Variants in RPS6KC1 observed in about 807,000 individuals in gnomAD.
The protein encoded by RPS6KC1 is ribosomal protein S6 kinase C1.
In RPS6KC1, 54 loss-of-function variants were observed where a neutral mutation model predicts 103.8. That is an observed-to-expected ratio of 0.52 (90% CI 0.42 to 0.65). The LOEUF (loss-of-function observed/expected upper bound fraction) is 0.65. RPS6KC1 is among the 30% of genes least tolerant of loss of function. The pLI is 0.00. For synonymous variants in RPS6KC1, 439 were observed against 438.7 expected (o/e 1.00, Z -0.01); for missense variants, 1,151 against 1,253.8 (o/e 0.92, Z 1.24).
chr1:213,859,004 C>A, the RPS6KC1 span, among the ~76,000 whole-genome samples: 1 of 152,176 alleles, frequency 6.6e-6, no homozygotes, highest in African/African-American at 2.4e-5. Context: ...CCATCTGCAT[C>A]GTTTCTCATG....
At chr1:213,652,369 G>A in the RPS6KC1 span, among the ~76,000 whole-genome samples, 1 of 152,180 alleles carries the variant, frequency 6.6e-6, no homozygotes, top group African/African-American at 2.4e-5. Context: ...GAACTTGCCT[G>A]TTGTTTCTTA....
At chr1:213,638,516 TA>T in the RPS6KC1 span, among the ~76,000 whole-genome samples, 1 of 152,138 alleles carries the variant, frequency 6.6e-6, no homozygotes, top group African/African-American at 2.4e-5. Flanking sequence ...CACTTTTAGT[TA>T]CATTTTATAT....
the RPS6KC1 span, among the ~76,000 whole-genome samples, chr1:213,609,119 G>T: frequency 6.6e-6 from 1 of 152,180 alleles, no homozygotes; most frequent in Non-Finnish European, 1.5e-5. Flanking sequence ...ATCCAAAGCA[G>T]GTCCATTCCT....
chr1:213,166,198 A>G (rs956546067), intron 6 of RPS6KC1, among the ~76,000 whole-genome samples: 1 of 152,046 alleles, frequency 6.6e-6, no homozygotes, highest in African/African-American at 2.4e-5. Context: ...GTAAATTGCC[A>G]TAGTTTTTAT....
the RPS6KC1 span, among the ~76,000 whole-genome samples, chr1:213,462,768 G>A: frequency 1.3e-5 from 2 of 152,288 alleles, no homozygotes; most frequent in South Asian, 2.1e-4. Flanking sequence ...TTGACTAGGG[G>A]AGGGTATAGC....
At chr1:213,502,061 AAGGCAAAC>A in the RPS6KC1 span, among the ~76,000 whole-genome samples, 2 of 152,200 alleles carry the variant, frequency 1.3e-5, no homozygotes. Context: ...AGGCAGAAAG[AAGGCAAAC>A]AGGCAAAATA....
At chr1:213,086,332 G>A (rs1244746555) in intron 3 of RPS6KC1, among the ~76,000 whole-genome samples, 1 of 152,186 alleles carries the variant, frequency 6.6e-6, no homozygotes, top group Non-Finnish European at 1.5e-5. Flanking sequence ...TGGATCTGCT[G>A]GCACCACAAC....
At chr1:213,296,852 G>A in the RPS6KC1 span, among the ~76,000 whole-genome samples, 1 of 152,172 alleles carries the variant, frequency 6.6e-6, no homozygotes, top group Non-Finnish European at 1.5e-5. Flanking sequence ...AACATTTTTA[G>A]TTCTTTTAGA....
chr1:213,607,106 T>A, the RPS6KC1 span, among the ~76,000 whole-genome samples: 3 of 152,174 alleles, frequency 2.0e-5, no homozygotes, highest in African/African-American at 7.2e-5. Flanking sequence ...CAGCAATGTT[T>A]TCAGGAAGAA....
chr1:213,448,105 G>T, the RPS6KC1 span, among the ~76,000 whole-genome samples: 1 of 151,532 alleles, frequency 6.6e-6, no homozygotes, highest in South Asian at 2.1e-4. Context: ...AGGTGTGGTG[G>T]AATGTGCGTG....
At chr1:213,149,741 G>C (rs1405693357) in intron 6 of RPS6KC1, among the ~76,000 whole-genome samples, 1 of 152,128 alleles carries the variant, frequency 6.6e-6, no homozygotes, top group Non-Finnish European at 1.5e-5. Context: ...GCAGAAAGTG[G>C]GGTGAAGTCT....
At chr1:213,560,066 A>G in the RPS6KC1 span, among the ~76,000 whole-genome samples, 1 of 152,226 alleles carries the variant, frequency 6.6e-6, no homozygotes, top group South Asian at 2.1e-4. Context: ...ACAGCAAGCA[A>G]CATGAACATC....
the RPS6KC1 span, among the ~76,000 whole-genome samples, chr1:213,479,646 C>T: frequency 6.6e-6 from 1 of 151,842 alleles, no homozygotes; most frequent in Non-Finnish European, 1.5e-5. Flanking sequence ...ACAAAAAGAA[C>T]TGAAACATCA....
intron 1 of RPS6KC1, among the ~76,000 whole-genome samples, chr1:213,065,756 A>G (rs1178996783): frequency 6.6e-6 from 1 of 152,252 alleles, no homozygotes; most frequent in East Asian, 1.9e-4. Flanking sequence ...ACCTGGCAGC[A>G]GAGTAGGCAC....
chr1:213,350,866 A>AT, the RPS6KC1 span, among the ~76,000 whole-genome samples: 5 of 152,166 alleles, frequency 3.3e-5, no homozygotes, highest in Non-Finnish European at 7.3e-5. Flanking sequence ...ATATACTTAT[A>AT]TTCACATATG....
chr1:213,375,288 CAT>C, the RPS6KC1 span, among the ~76,000 whole-genome samples: 1 of 151,856 alleles, frequency 6.6e-6, no homozygotes, highest in African/African-American at 2.4e-5. Flanking sequence ...TATATACACA[CAT>C]ACATACACAC....
chr1:213,299,898 G>A, the RPS6KC1 span, among the ~76,000 whole-genome samples: 14 of 152,112 alleles, frequency 9.2e-5, no homozygotes, highest in South Asian at 6.2e-4. Context: ...TCCGCCTCCC[G>A]TGTTCACACC....
At chr1:213,498,000 G>A in the RPS6KC1 span, among the ~76,000 whole-genome samples, 151 of 152,126 alleles carry the variant, frequency 9.9e-4, no homozygotes, top group African/African-American at 3.3e-3. Context: ...TTTTCAAACC[G>A]TTAAGGGAAA....
chr1:213,624,433 A>G, the RPS6KC1 span, among the ~76,000 whole-genome samples: 14 of 152,260 alleles, frequency 9.2e-5, no homozygotes, highest in Admixed American at 7.2e-4. Context: ...CAGAGTGTAC[A>G]TGGAAGGGCT....
Sources: gnomAD v4.1 joint callset for allele counts (sites outside exome capture counted in the v4.1 genomes callset) on GRCh38, gnomAD v4.1.1 for gene constraint, MANE v1.5 for transcripts, NCBI Gene and HGNC (gene_info 2026-07-23, HGNC 2026-07-21) for gene names.